BOD1L1: variants seen among roughly 807,000 people sequenced by gnomAD.
BOD1L1 encodes biorientation of chromosomes in cell division 1 like 1, also known as biorientation of chromosomes in cell division protein 1-like 1.
In BOD1L1, 86 loss-of-function variants were observed where a neutral mutation model predicts 240.7. The observed-to-expected ratio is 0.36, with a 90% CI of 0.30 to 0.43. The LOEUF is 0.43. Ranked by LOEUF, BOD1L1 falls within the 20% of genes least tolerant of loss-of-function variation. The probability of loss-of-function intolerance (pLI) is 1.00; values close to 1 mark genes in which losing one functional copy is unlikely to be tolerated. For missense variants in BOD1L1, 3,554 were observed against 3,643.5 expected (o/e 0.98, Z 0.63); for synonymous variants, 1,268 against 1,272.3 (o/e 1.00, Z 0.07).
At chr4:13,583,709 CTTA>C (rs1192183429) in intron 17 of BOD1L1, among the ~76,000 whole-genome samples, 1 of 152,184 alleles carries the variant, frequency 6.6e-6, no homozygotes, top group Non-Finnish European at 1.5e-5. Context: ...AGCCATTTCT[CTTA>C]TTATTTGTTT....
Position 13,590,365 on chromosome 4 carries a change from CTATG to C in BOD1L1, c.8209+17_8209+20del. ...GTTAACTATAATATTAAAACTATAACTATGAAATTCATTAACTTACCTCCTTTGT... is the reference window on the plus strand; with the variant it reads ...GTTAACTATAATATTAAAACTATAACAAATTCATTAACTTACCTCCTTTGT... On this transcript the variant is annotated intron_variant, in intron 14 of 25. Transcript: ENST00000040738. 3.0e-6 allele frequency: 4 copies of C among 1,321,324 alleles called. No individual in the cohort carries two copies. The highest frequency in any genetic ancestry group is 4.2e-6 in the Non-Finnish European group (4 of 946,808). The allele number at this position is 1,321,324 out of a possible 1,614,324, so 81.8% of individuals were successfully genotyped here.
At chr4:13,584,614 C>G (rs554264054) in intron 17 of BOD1L1, among the ~76,000 whole-genome samples, 1 of 152,070 alleles carries the variant, frequency 6.6e-6, no homozygotes, top group Non-Finnish European at 1.5e-5. Flanking sequence ...AACCATTGGA[C>G]GAACTGCATT....
At position 13,611,050 on chromosome 4, in the gene BOD1L1, T is replaced by C; in HGVS notation, c.1375A>G (p.Ser459Gly). ...CGTACACTTTTTGTTTTTCCTTCAC[T>C]AGAATCACTAGTTTGAGTTTTTGTT... The part of the protein sequence containing the change: ...NKTKTQTSDS[S>G]EGKTKSVRHA... The change falls in exon 6 of 26, where the codon AGT (serine) becomes GGT (glycine). Residue 459 changes from serine (S) to glycine (G), a missense_variant. Physicochemically the swap from Ser to Gly is moderately conservative, Grantham distance 56. Around this residue, in one of 2 missense-constraint regions of BOD1L1, gnomAD observed 3,393 missense variants for 3,427.1 expected, o/e 0.99. Coordinates refer to ENST00000040738, the MANE Select transcript of BOD1L1 (RefSeq NM_148894.3). 1 of 1,611,430 alleles carries C rather than the reference T, an allele frequency of 6.2e-7. No individual in the cohort carries two copies. Among genetic ancestry groups the C allele is most frequent in the Non-Finnish European group, 8.5e-7 (1 of 1,178,172 alleles).
chr4:13,591,883 C>A, intron 13 of BOD1L1, 40 bp downstream of exon 13: 3 of 1,470,198 alleles, frequency 2.0e-6, no homozygotes, highest in Non-Finnish European at 1.8e-6. Flanking sequence ...AATTAAAAAA[C>A]CCAATAACCA....
intron 22 of BOD1L1, among the ~76,000 whole-genome samples, chr4:13,579,205 G>A (rs1713017322): frequency 6.6e-6 from 1 of 152,136 alleles, no homozygotes. Flanking sequence ...GAATAACACA[G>A]CTTTAATTGG....
At chr4:13,610,903 A>T in intron 6 of BOD1L1, 31 bp downstream of exon 6, 1 of 1,553,880 alleles carries the variant, frequency 6.4e-7, no homozygotes, top group Non-Finnish European at 8.7e-7. Flanking sequence ...CTGATGTAGT[A>T]GGTTAAAATA....
In BOD1L1 at chr4:13,601,690, T is replaced by C. The variant is rs767947415; in HGVS notation, c.5210A>G (p.Asp1737Gly). Residue 1737 changes from aspartate to glycine, a missense_variant, in exon 10 of 26, where the codon GAT becomes GGT. Coordinates refer to ENST00000040738, the MANE Select transcript of BOD1L1 (RefSeq NM_148894.3). ...AGTTACTGAGCAGATCACAAAGTTATCACTTCTGCCTTCTGCTCCTGTACA... is the reference window on the plus strand; with the variant it reads ...AGTTACTGAGCAGATCACAAAGTTACCACTTCTGCCTTCTGCTCCTGTACA... ...VTCTGAEGRS[D>G]NFVICSVTGA... The C allele has an allele frequency of 3.7e-6, 6 of 1,613,998 alleles. No homozygotes were observed. In the South Asian group the frequency reaches 6.6e-5, roughly 18 times the overall value.
intron 18 of BOD1L1, 95 bp from the exon 19 acceptor site, chr4:13,582,405 AC>A: frequency 1.1e-6 from 1 of 902,198 alleles, no homozygotes; most frequent in Non-Finnish European, 1.7e-6. Context: ...GCCACACATA[AC>A]CACACACTCC....
At position 13,587,721 on chromosome 4, in the gene BOD1L1, A is replaced by G; in HGVS notation, c.8331T>C (p.Tyr2777=). ...TACCTGGTTCATCTTCTGAAGAGAG[A>G]TAATGCTGCTTTCTTTTTCTTTTAG... is the stretch of plus-strand genomic sequence containing the variant. ...HMPKRKRKQH[Y]LSSEDEPDDN... is the part of the protein sequence containing the mutation. Residue 2777 remains tyrosine (Y), a synonymous_variant, in exon 16 of 26, where the codon TAT becomes TAC. Coordinates refer to ENST00000040738, the MANE Select transcript of BOD1L1 (RefSeq NM_148894.3). 1.3e-6 allele frequency: 2 copies of G among 1,559,012 alleles called. No individual in the cohort carries two copies. Among genetic ancestry groups the G allele is most frequent in the Non-Finnish European group, 1.7e-6 (2 of 1,148,570 alleles).
At position 13,568,952 on chromosome 4, in the gene BOD1L1, G is replaced by C. The variant is rs1051707098; in HGVS notation, c.*1059C>G. On this transcript the variant is annotated 3_prime_UTR_variant, in exon 26 of 26. Coordinates refer to ENST00000040738, the MANE Select transcript of BOD1L1 (RefSeq NM_148894.3). Reference sequence around the variant, plus strand: ...TCACATCATTGCAAGAGACAAATTTGATCGTAAGAAGTTTAATCTTATGAA... The same window carrying C: ...TCACATCATTGCAAGAGACAAATTTCATCGTAAGAAGTTTAATCTTATGAA... 6.6e-6 allele frequency: 1 copy of C among 152,102 alleles called. No homozygotes were observed. Among genetic ancestry groups the C allele is most frequent in the Non-Finnish European group, 1.5e-5 (1 of 68,008 alleles). The allele number at this position is 152,102 out of a possible 1,614,324, so 9.4% of individuals were successfully genotyped here.
At chr4:13,609,499 G>A in intron 6 of BOD1L1, 93 bp from the exon 7 acceptor site, 1 of 770,506 alleles carries the variant, frequency 1.3e-6, no homozygotes, top group Non-Finnish European at 1.9e-6. Context: ...TTACCCTTCA[G>A]ATGTTCTTAC....
At chr4:13,580,086 T>C (rs572200593) in intron 21 of BOD1L1, 113 bp from the exon 22 acceptor site, 1 of 707,644 alleles carries the variant, frequency 1.4e-6, no homozygotes, top group South Asian at 1.9e-5. Context: ...TACATAGGCG[T>C]ATTTGAGACC....
At chr4:13,587,407 A>T (rs1454106231) in intron 16 of BOD1L1, among the ~76,000 whole-genome samples, 1 of 152,174 alleles carries the variant, frequency 6.6e-6, no homozygotes, top group Non-Finnish European at 1.5e-5. Flanking sequence ...TTATGATATA[A>T]AATACAGACT....
rs752190274 is a variant in BOD1L1, at chr4:13,601,009, C to G, written c.5891G>C (p.Gly1964Ala). Residue 1964 changes from glycine to alanine, a missense_variant, in exon 10 of 26, where the codon GGA becomes GCA. Transcript: ENST00000040738. Reference sequence around the variant, plus strand: ...TGGAACTGGTGTCACTTCATCCTTTCCTGAGACTGCACTGGTCACACTGCT... The same window carrying G: ...TGGAACTGGTGTCACTTCATCCTTTGCTGAGACTGCACTGGTCACACTGCT... Reference protein sequence around the residue: ...VESSVTSAVSGKDEVTPVPGG... With the variant: ...VESSVTSAVSAKDEVTPVPGG... The G allele has an allele frequency of 4.3e-6, 7 of 1,614,030 alleles. No homozygotes were observed. Among genetic ancestry groups the G allele is most frequent in the Non-Finnish European group, 5.9e-6 (7 of 1,179,898 alleles).
chr4:13,578,666 G>T lies in BOD1L1; in HGVS notation c.8750-1035C>A, dbSNP rs141144014. 4.6e-5 allele frequency among the ~76,000 whole-genome samples: 7 copies of T among 152,198 alleles called. No homozygotes were observed. In the East Asian group the frequency reaches 1.4e-3, roughly 29 times the overall value. On this transcript the variant is annotated intron_variant, in intron 22 of 25. Transcript: ENST00000040738. ...GGGCTCCAGTGATTCTCCTGTGGAG[G>T]CCTCTGAAAGTGCTGAGATTACAGG...
intron 12 of BOD1L1, chr4:13,592,223 A>G (rs577516796): frequency 2.7e-5 from 11 of 400,136 alleles, no homozygotes; most frequent in Non-Finnish European, 4.5e-5. Context: ...GGTATATTAC[A>G]TCACTATGGT....
chr4:13,620,917 C>T (rs2108997338), intron 1 of BOD1L1, among the ~76,000 whole-genome samples: 1 of 152,240 alleles, frequency 6.6e-6, no homozygotes, highest in Admixed American at 6.5e-5. Context: ...CTCTCATCCC[C>T]CAAGGGACGC....
In BOD1L1 at chr4:13,600,183, T is replaced by C; in HGVS notation, c.6717A>G (p.Glu2239=). The C allele has an allele frequency of 6.2e-7, 1 of 1,613,982 alleles. No individual in the cohort carries two copies. ...CCATGACTGTGCCAGCTCGCTCATT[T>C]TCACTTTCAACAACTACACCGGAAA... ...ASVSGVVVES[E]NERAGTVMEE... Residue 2239 remains glutamate, a synonymous_variant, in exon 10 of 26, where the codon GAA becomes GAG. Transcript: ENST00000040738.
chr4:13,577,892 G>T, intron 22 of BOD1L1: 2 of 315,780 alleles, frequency 6.3e-6, no homozygotes, highest in East Asian at 7.0e-5. Context: ...AAAATAAGAA[G>T]TTGGATTAGA....
Sources: allele counts gnomAD v4.1 joint callset (sites outside exome capture counted in the v4.1 genomes callset), GRCh38; gene constraint gnomAD v4.1.1; regional missense constraint gnomAD v4.1.1; transcripts MANE v1.5; gene names NCBI Gene and HGNC (gene_info 2026-07-23, HGNC 2026-07-21).